TMTC1: variants seen among roughly 807,000 people sequenced by gnomAD.
The protein encoded by TMTC1 is protein O-mannosyl-transferase TMTC1.
In TMTC1, 73 loss-of-function variants were observed where a neutral mutation model predicts 104.8. The ratio of observed to expected loss-of-function variants is 0.70; its 90% CI spans 0.58 to 0.85. The LOEUF is 0.85. Ranked by LOEUF, TMTC1 falls within the 40% of genes least tolerant of loss-of-function variation. The pLI, the probability that TMTC1 is intolerant of heterozygous loss-of-function variation, is 0.00. For missense variants in TMTC1, 1,035 were observed against 1,096.1 expected, an observed-to-expected ratio of 0.94 and a Z score of 0.79; for synonymous variants, 434 against 428.7, an observed-to-expected ratio of 1.01 and a Z score of -0.15.
At chr12:29,511,604 G>A (rs1943839087) in intron 17 of TMTC1, among the ~76,000 whole-genome samples, 1 of 152,066 alleles carries the variant, frequency 6.6e-6, no homozygotes, top group African/African-American at 2.4e-5. Context: ...TAAAAAATTA[G>A]GGAGAAAAGG....
At chr12:29,663,465 T>A (rs1240479530) in intron 5 of TMTC1, among the ~76,000 whole-genome samples, 1 of 152,160 alleles carries the variant, frequency 6.6e-6, no homozygotes, top group Non-Finnish European at 1.5e-5. Context: ...GCAGTGGTTT[T>A]CCTTTCTATA....
At chr12:29,754,795 C>T (rs571561489) in intron 4 of TMTC1, among the ~76,000 whole-genome samples, 8 of 152,212 alleles carry the variant, frequency 5.3e-5, no homozygotes, top group African/African-American at 1.9e-4. Flanking sequence ...CACTTCCAGG[C>T]AGGAAGGTGA....
At chr12:29,516,259 G>C in intron 15 of TMTC1, 90 bp downstream of exon 15, 1 of 1,468,214 alleles carries the variant, frequency 6.8e-7, no homozygotes. Flanking sequence ...GATTTCCCAG[G>C]CTTATAAACA....
intron 9 of TMTC1, among the ~76,000 whole-genome samples, chr12:29,570,894 G>A (rs79564305): frequency 0.75 from 88,606 of 118,728 alleles, 31,654 homozygotes; most frequent in Middle Eastern, 0.81. Context: ...CCCCCCCCCC[G>A]CCAAAACACA....
At chr12:29,731,162 C>A (rs553790701) in intron 5 of TMTC1, among the ~76,000 whole-genome samples, 1 of 152,182 alleles carries the variant, frequency 6.6e-6, no homozygotes, top group Non-Finnish European at 1.5e-5. Context: ...AAAAGTCTAG[C>A]AAAGTGGATT....
intron 6 of TMTC1, among the ~76,000 whole-genome samples, chr12:29,632,528 T>C (rs2136505170): frequency 6.6e-6 from 1 of 152,304 alleles, no homozygotes; most frequent in East Asian, 1.9e-4. Flanking sequence ...TCCTGCCACC[T>C]TGTGAAGAAG....
chr12:29,731,394 G>A (rs1254943463), intron 5 of TMTC1, among the ~76,000 whole-genome samples: 1 of 152,142 alleles, frequency 6.6e-6, no homozygotes, highest in African/African-American at 2.4e-5. Flanking sequence ...GTTCTCAAGT[G>A]ATTCACCTGC....
chr12:29,593,373 A>G (rs1382162524), intron 7 of TMTC1, among the ~76,000 whole-genome samples: 1 of 152,254 alleles, frequency 6.6e-6, no homozygotes, highest in Admixed American at 6.5e-5. Flanking sequence ...TATCAGTTAC[A>G]CATTAATAAA....
intron 5 of TMTC1, among the ~76,000 whole-genome samples, chr12:29,726,882 C>T (rs1455274487): frequency 5.3e-5 from 8 of 152,282 alleles, no homozygotes; most frequent in Admixed American, 3.3e-4. Context: ...AATATCTACA[C>T]GACTTTTAAG....
At chr12:29,656,777 T>C (rs1392124582) in intron 5 of TMTC1, among the ~76,000 whole-genome samples, 5 of 152,162 alleles carry the variant, frequency 3.3e-5, no homozygotes, top group Non-Finnish European at 4.4e-5. Flanking sequence ...TATATATATA[T>C]GCCTTGGAAG....
At position 29,718,932 on chromosome 12, in the gene TMTC1, C is replaced by CAAA. The variant is rs35351612; in HGVS notation, c.938+32731_938+32733dup. 1.2e-3 allele frequency among the ~76,000 whole-genome samples: 103 copies of CAAA among 88,042 alleles called. 2 individuals carry two copies. In the Middle Eastern group the frequency reaches 0.017, roughly 15 times the overall value. The allele number at this position is 88,042 out of a possible 152,430, so 57.8% of individuals were successfully genotyped here. A position where few individuals can be genotyped will look rare whatever the true frequency, so the allele number is the denominator to read the frequency against. ...TGGGTGACAGAGCGAGACTCCATCT[C>CAAA]AAAAAAAAAAAAAAAAAAAGTTCAC... is the stretch of plus-strand genomic sequence containing the variant. On this transcript the variant is annotated intron_variant, in intron 5 of 17. Coordinates refer to ENST00000539277, the MANE Select transcript of TMTC1 (RefSeq NM_001193451.2).
At chr12:29,550,933 CAAAAAAAAAAAAAAAAAAAAAAAAAA>C (rs200605964) in intron 10 of TMTC1, among the ~76,000 whole-genome samples, 5,573 of 108,432 alleles carry the variant, frequency 0.051, 487 homozygotes, top group African/African-American at 0.21. Flanking sequence ...GACTCCATCT[CAAAAAAAAAAAAAAAAAAAAAAAAAA>C]AAAAAAAAAA....
intron 16 of TMTC1, 127 bp downstream of exon 16, chr12:29,514,355 A>T: frequency 2.1e-6 from 2 of 942,282 alleles, no homozygotes; most frequent in East Asian, 5.4e-5. Context: ...GTTAAAAAAA[A>T]CTCACTCACT....
intron 5 of TMTC1, among the ~76,000 whole-genome samples, chr12:29,717,407 T>C (rs1227782132): frequency 6.6e-6 from 1 of 152,174 alleles, no homozygotes; most frequent in Admixed American, 6.5e-5. Flanking sequence ...CCGGTCTAAA[T>C]TGAGTGGTGC....
At chr12:29,516,270 C>T (rs940168314) in intron 15 of TMTC1, 79 bp downstream of exon 15, 71 of 1,503,578 alleles carry the variant, frequency 4.7e-5, no homozygotes, top group Admixed American at 8.2e-5. Flanking sequence ...CTTATAAACA[C>T]GCAAACTGGA....
At chr12:29,531,045 G>A (rs1246193245) in intron 11 of TMTC1, among the ~76,000 whole-genome samples, 1 of 152,038 alleles carries the variant, frequency 6.6e-6, no homozygotes, top group African/African-American at 2.4e-5. Context: ...CAGTTGTTAC[G>A]CTTGTGTTAG....
intron 5 of TMTC1, among the ~76,000 whole-genome samples, chr12:29,740,812 T>G (rs1347488269): frequency 5.3e-5 from 8 of 152,022 alleles, no homozygotes; most frequent in Admixed American, 4.6e-4. Context: ...AAAACAATAT[T>G]AATTTTTTTA....
Position 29,502,343 on chromosome 12 carries a change from T to TTTTC in TMTC1, c.*4502_*4503insGAAA, listed in dbSNP as rs1240084850. ...CACCACAAATCAAAGCAAAAGTTTT[T>TTTTC]TTTTTTTTCAAAAACAGATTCTAAC... is the stretch of plus-strand genomic sequence containing the variant. On this transcript the variant is annotated 3_prime_UTR_variant, in exon 18 of 18. Transcript: ENST00000539277. The TTTTC allele has an allele frequency of 6.6e-6, 1 of 151,862 alleles. No individual in the cohort carries two copies. The highest frequency in any genetic ancestry group is 1.5e-5 in the Non-Finnish European group (1 of 67,982). The allele number at this position is 151,862 out of a possible 1,614,324, so 9.4% of individuals were successfully genotyped here.
rs1943884802 is a variant in TMTC1, at chr12:29,783,499, C to A, written c.253G>T (p.Glu85Ter). 7.1e-7 allele frequency: 1 copy of A among 1,408,860 alleles called. No homozygotes were observed. The highest frequency in any genetic ancestry group is 1.5e-5 in the South Asian group (1 of 68,226). 87.3% of individuals were successfully genotyped at this position (1,408,860 alleles called of 1,614,324 possible). The change falls in exon 1 of 18, where the codon GAG becomes TAG. Residue 85 changes from glutamate to a stop codon, truncating the protein, a stop_gained. Coordinates refer to ENST00000539277, the MANE Select transcript of TMTC1 (RefSeq NM_001193451.2). LOFTEE classifies it high-confidence loss of function. This position sits in a 1 kb window ranked among gnomAD's most constrained non-coding sequence, Gnocchi z 4.7. ...CGGTAGGACTTGTGGCTGGTGTTCTCGGCCATGCCCTTGCCCCAGAAGTCG... is the reference window on the plus strand; with the variant it reads ...CGGTAGGACTTGTGGCTGGTGTTCTAGGCCATGCCCTTGCCCCAGAAGTCG... ...TNDFWGKGMA[E>*]NTSHKSYRPL...
Sources: gnomAD v4.1 joint callset for allele counts (sites outside exome capture counted in the v4.1 genomes callset) on GRCh38, gnomAD v4.1.1 for gene constraint, Gnocchi (gnomAD v3.1) non-coding constraint, MANE v1.5 for transcripts, NCBI Gene and HGNC (gene_info 2026-07-23, HGNC 2026-07-21) for gene names.